DLG2: variants seen among roughly 807,000 people sequenced by gnomAD.
The protein encoded by DLG2 is discs large MAGUK scaffold protein 2.
DLG2 carries 45 observed loss-of-function variants against 132.5 expected under a neutral mutation model. That is an observed-to-expected ratio of 0.34 (90% confidence interval 0.27 to 0.44). DLG2 has a LOEUF of 0.44. Among genes scored for constraint, DLG2 ranks in the 20% least tolerant of loss-of-function variants. The pLI is 1.00. For missense variants in DLG2, 1,045 were observed against 1,196.9 expected (o/e 0.87, Z 1.87); for synonymous variants, 424 against 419.6 (o/e 1.01, Z -0.13).
chr11:84,260,380 A>G (rs1241696897), intron 7 of DLG2, among the ~76,000 whole-genome samples: 1 of 152,226 alleles, frequency 6.6e-6, no homozygotes, highest in African/African-American at 2.4e-5. Flanking sequence ...TCAGATCTCC[A>G]TCCTGCATGC....
chr11:83,726,576 G>C (rs191617374), intron 18 of DLG2, among the ~76,000 whole-genome samples: 1 of 152,134 alleles, frequency 6.6e-6, no homozygotes, highest in Non-Finnish European at 1.5e-5. Flanking sequence ...AGGAAGGCAG[G>C]TATTCAATCA....
chr11:85,373,017 G>A (rs2085111862), intron 3 of DLG2, among the ~76,000 whole-genome samples: 1 of 152,116 alleles, frequency 6.6e-6, no homozygotes, highest in African/African-American at 2.4e-5. Context: ...CTTCAGATAG[G>A]TAATTGTGTC....
At chr11:83,872,182 G>C (rs2063585203) in intron 16 of DLG2, among the ~76,000 whole-genome samples, 1 of 152,186 alleles carries the variant, frequency 6.6e-6, no homozygotes, top group South Asian at 2.1e-4. Context: ...AGAATCGCCT[G>C]AACCCAGAAG....
intron 6 of DLG2, among the ~76,000 whole-genome samples, chr11:84,919,467 C>A (rs909560011): frequency 6.6e-6 from 1 of 152,084 alleles, no homozygotes; most frequent in Non-Finnish European, 1.5e-5. Flanking sequence ...GAGCAGAATT[C>A]TTGAATTTAT....
chr11:84,022,457 A>G (rs1173054013), intron 11 of DLG2, among the ~76,000 whole-genome samples: 2 of 152,196 alleles, frequency 1.3e-5, no homozygotes, highest in African/African-American at 4.8e-5. Context: ...GTTGCACACA[A>G]AAGCTTTTGA....
Position 85,147,981 on chromosome 11 carries a change from C to T in DLG2, c.282+6575G>A, listed in dbSNP as rs540079497. Reference sequence around the variant, plus strand: ...ATGTGTTCTCATTGTACAACTCCAGCTGATGAATGAGAACTTGTGTTGTTT... The same window carrying T: ...ATGTGTTCTCATTGTACAACTCCAGTTGATGAATGAGAACTTGTGTTGTTT... On this transcript the variant is annotated intron_variant, in intron 5 of 27. Coordinates refer to ENST00000376104, the MANE Select transcript of DLG2 (RefSeq NM_001142699.3). Among the ~76,000 whole-genome samples the T allele has an allele frequency of 1.4e-4, 21 of 152,140 alleles. No individual in the cohort carries two copies. In the South Asian group the frequency reaches 4.4e-3, roughly 32 times the overall value.
intron 3 of DLG2, among the ~76,000 whole-genome samples, chr11:85,310,788 T>C (rs1490597804): frequency 1.3e-5 from 2 of 152,216 alleles, no homozygotes; most frequent in African/African-American, 4.8e-5. Flanking sequence ...TTTGTGATCG[T>C]ACTTTCTTCC....
chr11:84,599,424 G>A (rs1414799642), intron 6 of DLG2, among the ~76,000 whole-genome samples: 1 of 152,150 alleles, frequency 6.6e-6, no homozygotes, highest in Non-Finnish European at 1.5e-5. Flanking sequence ...GGCATGTTGG[G>A]TCATTCTCTT....
chr11:84,112,485 T>G (rs2093415382), intron 9 of DLG2, among the ~76,000 whole-genome samples: 1 of 152,054 alleles, frequency 6.6e-6, no homozygotes, highest in South Asian at 2.1e-4. Flanking sequence ...AACAATATCT[T>G]TTTACTCTTT....
intron 3 of DLG2, among the ~76,000 whole-genome samples, chr11:85,479,663 G>T (rs1378338711): frequency 6.6e-6 from 1 of 152,134 alleles, no homozygotes; most frequent in Admixed American, 6.5e-5. Flanking sequence ...CATATTCATT[G>T]AATTGGTTTG....
At chr11:85,331,564 C>G (rs879469166) in intron 3 of DLG2, among the ~76,000 whole-genome samples, 2 of 152,062 alleles carry the variant, frequency 1.3e-5, no homozygotes, top group Non-Finnish European at 1.5e-5. Context: ...ATTTTATTAT[C>G]TAGGTAGTAA....
intron 6 of DLG2, among the ~76,000 whole-genome samples, chr11:84,867,332 T>A (rs12786519): frequency 6.6e-6 from 1 of 152,156 alleles, no homozygotes; most frequent in East Asian, 1.9e-4. Flanking sequence ...AGTGGGAGTA[T>A]GGACTCCTTT....
chr11:83,980,915 C>G (rs2092716683), intron 11 of DLG2, among the ~76,000 whole-genome samples: 1 of 152,114 alleles, frequency 6.6e-6, no homozygotes, highest in African/African-American at 2.4e-5. Flanking sequence ...CTCAGCTATC[C>G]TGTTTATAAG....
At chr11:85,328,982 C>A (rs1288800134) in intron 3 of DLG2, among the ~76,000 whole-genome samples, 2 of 123,072 alleles carry the variant, frequency 1.6e-5, no homozygotes, top group Admixed American at 8.7e-5. Context: ...ACACCAACAA[C>A]AGACAAACAG....
chr11:85,501,332 G>C (rs1465239004), intron 3 of DLG2, among the ~76,000 whole-genome samples: 5 of 152,134 alleles, frequency 3.3e-5, no homozygotes, highest in African/African-American at 1.2e-4. Flanking sequence ...GAAAACCTGT[G>C]AAATACCATT....
chr11:84,782,016 T>G (rs2071887412), intron 6 of DLG2, among the ~76,000 whole-genome samples: 1 of 152,108 alleles, frequency 6.6e-6, no homozygotes. Flanking sequence ...CAAAAGAAGA[T>G]GCTTGGAATA....
intron 6 of DLG2, among the ~76,000 whole-genome samples, chr11:84,716,727 G>A (rs1334791798): frequency 6.6e-6 from 1 of 151,304 alleles, no homozygotes; most frequent in East Asian, 1.9e-4. Context: ...AAAAAAGGTA[G>A]GGGGGAACTG....
At chr11:84,184,767 C>T (rs1156270854) in intron 8 of DLG2, among the ~76,000 whole-genome samples, 2 of 151,874 alleles carry the variant, frequency 1.3e-5, no homozygotes, top group African/African-American at 4.8e-5. Context: ...AGGAAGGGAT[C>T]CAGTTTCAGC....
chr11:83,879,680 A>T (rs1362644390), intron 15 of DLG2, among the ~76,000 whole-genome samples: 1 of 152,206 alleles, frequency 6.6e-6, no homozygotes, highest in Non-Finnish European at 1.5e-5. Context: ...GACACTTAAC[A>T]TGAAGTGTCT....
Sources: gnomAD v4.1 joint callset for allele counts (sites outside exome capture counted in the v4.1 genomes callset) on GRCh38, gnomAD v4.1.1 for gene constraint, MANE v1.5 for transcripts, NCBI Gene and HGNC (gene_info 2026-07-23, HGNC 2026-07-21) for gene names.